Variants in SH3D21 observed in about 807,000 individuals in gnomAD.
SH3D21 encodes the protein SH3 domain-containing protein 21.
Under a neutral mutation model 82.1 loss-of-function variants are expected in SH3D21, and 83 were observed. That is an observed-to-expected ratio of 1.01 (90% confidence interval 0.85 to 1.21). SH3D21 has a LOEUF of 1.21. SH3D21 is among the 50% of genes most tolerant of loss of function. The pLI is 0.00. For synonymous variants in SH3D21, 383 were observed against 387.8 expected (o/e 0.99, Z 0.15); for missense variants, 980 against 962.1 (o/e 1.02, Z -0.25).
downstream of SH3D21, chr1:36,322,800 T>A (rs746798396): frequency 6.6e-7 from 1 of 1,503,804 alleles, no homozygotes; most frequent in African/African-American, 1.4e-5. Flanking sequence ...AGACCCCAGG[T>A]TCTAGGTGTG....
downstream of SH3D21, chr1:36,323,045 T>TG (rs1161162781): frequency 2.5e-6 from 4 of 1,599,510 alleles, no homozygotes; most frequent in African/African-American, 1.4e-5. Context: ...CATGCTGCTC[T>TG]GGGGGGCAGC....
chr1:36,325,132 G>T (rs1293036940), downstream of SH3D21, among the ~76,000 whole-genome samples: 1 of 151,964 alleles, frequency 6.6e-6, no homozygotes. Flanking sequence ...TACCTCCTGG[G>T]CTCAAGTGAG....
At chr1:36,311,005 T>A (rs1032200767) in intron 10 of SH3D21, among the ~76,000 whole-genome samples, 2 of 151,728 alleles carry the variant, frequency 1.3e-5, no homozygotes, top group Non-Finnish European at 2.9e-5. Flanking sequence ...GCCTCCCAGG[T>A]TCAAGCGATT....
At chr1:36,314,464 CTT>C (rs56283418) in intron 10 of SH3D21, among the ~76,000 whole-genome samples, 50 of 132,792 alleles carry the variant, frequency 3.8e-4, no homozygotes, top group African/African-American at 4.2e-4. Context: ...TTCTCCCATT[CTT>C]TTTTTTTTTT....
chr1:36,326,469 GA>G (rs1201856212), downstream of SH3D21, among the ~76,000 whole-genome samples: 19 of 152,156 alleles, frequency 1.2e-4, no homozygotes, highest in African/African-American at 4.6e-4. Context: ...GACCTCAGGT[GA>G]TCTGCCCACC....
rs774374344 is a variant in SH3D21 at position 36,319,462 on chromosome 1, A to G, written c.937A>G (p.Ser313Gly). 18 of 1,551,482 alleles carry G rather than the reference A, an allele frequency of 1.2e-5. No individual in the cohort carries two copies. Among genetic ancestry groups the G allele is most frequent in the Non-Finnish European group, 1.6e-5 (18 of 1,146,986 alleles). ...RDSGPNGGFQ[S>G]GGSYHPGRKR... The stretch of plus-strand genomic sequence containing the variant: ...CTTAGGCCCCAATGGTGGCTTCCAA[A>G]GTGGGGGTTCGTATCACCCTGGCCG... The change falls in exon 13 of 16, where the codon AGT becomes GGT. Residue 313 changes from serine (S) to glycine (G), a missense_variant. By Grantham distance (56) the Ser-to-Gly change is moderately conservative. Coordinates refer to ENST00000453908, the MANE Select transcript of SH3D21 (RefSeq NM_001162530.2).
At chr1:36,322,108 G>A, downstream of SH3D21, 1 of 1,358,358 alleles carries the variant, frequency 7.4e-7, no homozygotes, top group Admixed American at 3.4e-5. Flanking sequence ...GACCCTGCAT[G>A]CTGCCCCCTC....
chr1:36,323,318 C>T, downstream of SH3D21: 2 of 406,698 alleles, frequency 4.9e-6, no homozygotes, highest in South Asian at 7.7e-5. Flanking sequence ...AGCTGAGGCC[C>T]GGTTCCGCCG....
Position 36,321,219 on chromosome 1 carries a change from G to T in SH3D21, c.*92G>T, listed in dbSNP as rs1646456975. The T allele has an allele frequency of 2.0e-6, 3 of 1,512,762 alleles. No individual in the cohort carries two copies. The highest frequency in any genetic ancestry group is 2.1e-5 in the Admixed American group (1 of 48,148). The allele number at this position is 1,512,762 out of a possible 1,614,324, so 93.7% of individuals were successfully genotyped here. On this transcript the variant is annotated 3_prime_UTR_variant, in exon 16 of 16. Coordinates refer to ENST00000453908, the MANE Select transcript of SH3D21 (RefSeq NM_001162530.2). The surrounding 1 kb of genome is among the most constrained non-coding windows in gnomAD (Gnocchi z 6.1). ...TGGGAAACGCGAGAAAGTAAACTCT[G>T]CCTAGCACGGCGCCACGCCGGTCTG...
intron 10 of SH3D21, among the ~76,000 whole-genome samples, chr1:36,309,885 G>C (rs997381008): frequency 6.6e-6 from 1 of 152,162 alleles, no homozygotes; most frequent in Non-Finnish European, 1.5e-5. Context: ...ATAAGACTGT[G>C]TATGTTCATG....
rs1001839828 is a variant in SH3D21, at chr1:36,310,545, G to C, written c.769+955G>C. Among the ~76,000 whole-genome samples, 3 of 151,966 alleles carry C rather than the reference G, an allele frequency of 2.0e-5. No individual in the cohort carries two copies. In the East Asian group the frequency reaches 5.8e-4, roughly 29 times the overall value. ...CAGGAGAATCACTTGAACCAGGGAG[G>C]GGGAGGTTGCAGTGAGCTGAGATCA... On this transcript the variant is annotated intron_variant, in intron 10 of 15. Coordinates refer to ENST00000453908, the MANE Select transcript of SH3D21 (RefSeq NM_001162530.2).
In SH3D21 at chr1:36,320,269, C is replaced by T. The variant is rs761642375; in HGVS notation, c.1606C>T (p.Pro536Ser). Residue 536 changes from proline (P) to serine (S), a missense_variant, in exon 14 of 16, where the codon CCC becomes TCC. By Grantham distance (74) the Pro-to-Ser change is moderately conservative. Transcript: ENST00000453908. ...SQEEAHTPEA[P>S]PPQPPSSERC... ...GGAGGAGGCCCACACGCCAGAGGCACCCCCACCCCAGCCTCCTTCCTCAGA... is the reference window on the plus strand; with the variant it reads ...GGAGGAGGCCCACACGCCAGAGGCATCCCCACCCCAGCCTCCTTCCTCAGA... 1.2e-6 allele frequency: 2 copies of T among 1,612,648 alleles called. No homozygotes were observed. Among genetic ancestry groups the T allele is most frequent in the Non-Finnish European group, 8.5e-7 (1 of 1,179,764 alleles).
At chr1:36,325,200 C>G (rs1356052447), downstream of SH3D21, among the ~76,000 whole-genome samples, 1 of 152,118 alleles carries the variant, frequency 6.6e-6, no homozygotes, top group Non-Finnish European at 1.5e-5. Flanking sequence ...ACCACCATGC[C>G]TGGCTAATTT....
At chr1:36,310,708 T>A (rs1646221794) in intron 10 of SH3D21, among the ~76,000 whole-genome samples, 1 of 152,136 alleles carries the variant, frequency 6.6e-6, no homozygotes, top group Non-Finnish European at 1.5e-5. Flanking sequence ...CCTCCTCCTC[T>A]TTCCTATTCT....
chr1:36,317,712 C>T (rs1238617898), intron 10 of SH3D21, among the ~76,000 whole-genome samples: 1 of 152,080 alleles, frequency 6.6e-6, no homozygotes, highest in African/African-American at 2.4e-5. Context: ...TACAGGCGCA[C>T]GCCACCATGC....
intron 9 of SH3D21, among the ~76,000 whole-genome samples, chr1:36,308,852 A>G (rs1489614435): frequency 6.6e-6 from 1 of 152,020 alleles, no homozygotes; most frequent in Admixed American, 6.5e-5. Flanking sequence ...GCGTGGTGGC[A>G]TGCATGTGTA....
At position 36,320,572 on chromosome 1, in the gene SH3D21, A is replaced by G. The variant is rs868226313; in HGVS notation, c.1909A>G (p.Lys637Glu). Residue 637 changes from lysine (K) to glutamate (E), a missense_variant, in exon 14 of 16, where the codon AAA (lysine) becomes GAA (glutamate). By Grantham distance (56) the Lys-to-Glu change is moderately conservative. Transcript: ENST00000453908. ...GACCCTGAAAGAGGAATTGCCCCCTAAAGAGGAAGTGGCTCCAAAAGAGGA... is the reference window on the plus strand; with the variant it reads ...GACCCTGAAAGAGGAATTGCCCCCTGAAGAGGAAGTGGCTCCAAAAGAGGA... The part of the protein sequence containing the change: ...EVTLKEELPP[K>E]EEVAPKEEVP... The G allele has an allele frequency of 1.9e-6, 3 of 1,614,072 alleles. No individual in the cohort carries two copies. In the African/African-American group the frequency reaches 4.0e-5, roughly 22 times the overall value.
downstream of SH3D21, among the ~76,000 whole-genome samples, chr1:36,325,988 A>G (rs1646540330): frequency 6.6e-6 from 1 of 152,212 alleles, no homozygotes; most frequent in Non-Finnish European, 1.5e-5. Flanking sequence ...GGATAGGGTA[A>G]TGCGATGGAC....
chr1:36,327,859 G>C, downstream of SH3D21: 1 of 1,289,770 alleles, frequency 7.8e-7, no homozygotes, highest in South Asian at 1.2e-5. Flanking sequence ...TGGTCCACAT[G>C]CCCTCCCCAC....
Sources: allele counts gnomAD v4.1 joint callset (sites outside exome capture counted in the v4.1 genomes callset), GRCh38; gene constraint gnomAD v4.1.1; non-coding constraint Gnocchi (gnomAD v3.1); transcripts MANE v1.5; gene names NCBI Gene and HGNC (gene_info 2026-07-23, HGNC 2026-07-21).